The following GSS variants were observed in gnomAD, a reference collection of about 807,000 sequenced individuals.
GSS encodes the protein GSH synthetase.
In GSS, 34 loss-of-function variants were observed where a neutral mutation model predicts 60.4. That is an observed-to-expected ratio of 0.56 (90% confidence interval 0.43 to 0.75). GSS has a LOEUF of 0.75. Ranked by LOEUF, GSS falls within the 30% of genes least tolerant of loss-of-function variation. GSS has a pLI of 0.00. For synonymous variants in GSS, 224 were observed against 239.0 expected (o/e 0.94, Z 0.58); for missense variants, 499 against 595.1 (o/e 0.84, Z 1.68).
Position 34,937,024 on chromosome 20 carries a change from C to A in GSS, c.609-1G>T. 6.2e-7 allele frequency: 1 copy of A among 1,612,122 alleles called. No homozygotes were observed. The highest frequency in any genetic ancestry group is 8.5e-7 in the Non-Finnish European group (1 of 1,178,582). ...TTGAGCAATCAGTAGCACCAGAGCA[C>A]TGGGGAAAGAGCACAGGTGGCCCGA... On this transcript the variant is annotated splice_acceptor_variant, in intron 6 of 12. Coordinates refer to ENST00000651619, the MANE Select transcript of GSS (RefSeq NM_000178.4). LOFTEE classifies it high-confidence loss of function.
At chr20:34,951,884 G>T in intron 1 of GSS, 24 bp from the exon 2 acceptor site, 1 of 1,612,698 alleles carries the variant, frequency 6.2e-7, no homozygotes. Flanking sequence ...AGAGAAGAGA[G>T]TTGGTAACAG....
At chr20:34,943,139 G>A in intron 3 of GSS, 133 bp from the exon 4 acceptor site, 1 of 718,828 alleles carries the variant, frequency 1.4e-6, no homozygotes, top group South Asian at 1.5e-5. Flanking sequence ...CCCCAATGTG[G>A]TAGAGAACAG....
At chr20:34,941,888 A>G in intron 5 of GSS, 59 bp from the exon 6 acceptor site, 2 of 868,778 alleles carry the variant, frequency 2.3e-6, no homozygotes, top group Non-Finnish European at 4.0e-6. Flanking sequence ...CCCTCTGCCC[A>G]TGACCTCATA....
chr20:34,939,445 T>C (rs1600383976), intron 6 of GSS, among the ~76,000 whole-genome samples: 1 of 152,138 alleles, frequency 6.6e-6, no homozygotes, highest in South Asian at 2.1e-4. Context: ...ATTAATCTGC[T>C]CTACCAATGC....
chr20:34,929,393 T>C lies in GSS; in HGVS notation c.1301+8A>G, dbSNP rs1291050506. 6.2e-7 allele frequency: 1 copy of C among 1,612,238 alleles called. No individual in the cohort carries two copies. The highest frequency in any genetic ancestry group is 1.3e-5 in the African/African-American group (1 of 75,016). The stretch of plus-strand genomic sequence containing the variant: ...GGTAGTGGAAAGAGCTTCTCCTGAT[T>C]GGCTCACCTGACATAGACCCCAAAG... On this transcript the variant is annotated splice_region_variant and intron_variant, in intron 12 of 12. Transcript: ENST00000651619.
Position 34,929,580 on chromosome 20 carries a change from T to C in GSS, c.1122A>G (p.Leu374=), listed in dbSNP as rs559699424. The C allele has an allele frequency of 3.7e-6, 6 of 1,613,860 alleles. No homozygotes were observed. The highest frequency in any genetic ancestry group is 3.3e-4 in the Middle Eastern group (2 of 6,052). The change falls in exon 12 of 13, where the codon CTA becomes CTG. Residue 374 remains leucine, a synonymous_variant. Coordinates refer to ENST00000651619, the MANE Select transcript of GSS (RefSeq NM_000178.4). ...KPQREGGGNN[L]YGEEMVQALK... ...GGGCCTGTACCATTTCCTCCCCATA[T>C]AGGTTGTTACCTGCAATGAAACTGG...
chr20:34,938,575 A>G (rs1252302417), intron 6 of GSS, among the ~76,000 whole-genome samples: 1 of 152,016 alleles, frequency 6.6e-6, no homozygotes. Context: ...CTCATGGGTG[A>G]GGGTGTGTGT....
intron 6 of GSS, 151 bp from the exon 7 acceptor site, chr20:34,937,174 G>A: frequency 2.9e-6 from 2 of 684,342 alleles, no homozygotes; most frequent in Non-Finnish European, 5.3e-6. Flanking sequence ...CAGGAACCTT[G>A]AGATTACCTC....
chr20:34,944,126 G>A (rs911781442), intron 3 of GSS, among the ~76,000 whole-genome samples: 3 of 152,200 alleles, frequency 2.0e-5, no homozygotes, highest in Non-Finnish European at 4.4e-5. Context: ...TGGTTAGGAG[G>A]AGAGTCCCAG....
At chr20:34,932,185 C>T (rs757366496) in intron 9 of GSS, 52 bp from the exon 10 acceptor site, 10 of 1,406,610 alleles carry the variant, frequency 7.1e-6, no homozygotes, top group South Asian at 3.4e-5. Flanking sequence ...CTTCAGCTGA[C>T]GTTTACTGAA....
At chr20:34,944,218 C>T (rs1404780904) in intron 3 of GSS, among the ~76,000 whole-genome samples, 1 of 152,088 alleles carries the variant, frequency 6.6e-6, no homozygotes, top group African/African-American at 2.4e-5. Flanking sequence ...GTAGGGGGCT[C>T]TTCTCCCTTA....
chr20:34,935,716 G>T, intron 8 of GSS, 74 bp from the exon 9 acceptor site: 2 of 1,205,382 alleles, frequency 1.7e-6, no homozygotes, highest in South Asian at 2.4e-5. Context: ...CTATTTCAGG[G>T]TGCATCAAGA....
In GSS at chr20:34,928,915, C is replaced by T; in HGVS notation, c.1338G>A (p.Gly446=). 6.2e-7 allele frequency: 1 copy of T among 1,613,706 alleles called. No homozygotes were observed. Among genetic ancestry groups the T allele is most frequent in the Non-Finnish European group, 8.5e-7 (1 of 1,179,960 alleles). The change falls in exon 13 of 13, where the codon GGG becomes GGA. Residue 446 remains glycine, a synonymous_variant. Transcript: ENST00000651619. ...CGATGGCTTTGGTTCGAAGTAGATG[C>T]CCCACGTGCTTGTTCATCACGAGTG... ...EKTLVMNKHV[G]HLLRTKAIEH... is the part of the protein sequence containing the mutation.
At chr20:34,946,302 G>A in intron 2 of GSS, among the ~76,000 whole-genome samples, 1 of 152,154 alleles carries the variant, frequency 6.6e-6, no homozygotes, top group East Asian at 1.9e-4. Context: ...TCTACGTATT[G>A]AAGAGAGAGA....
chr20:34,954,541 C>G (rs1236224789), intron 1 of GSS: 1 of 130,246 alleles, frequency 7.7e-6, no homozygotes, highest in African/African-American at 3.1e-5. Flanking sequence ...GCAACAAGAG[C>G]AAAGCTCTGT....
At chr20:34,938,817 T>C (rs2081460967) in intron 6 of GSS, among the ~76,000 whole-genome samples, 1 of 152,186 alleles carries the variant, frequency 6.6e-6, no homozygotes, top group Non-Finnish European at 1.5e-5. Context: ...TAAGGACGCA[T>C]GCGGGCTGGG....
rs748249699 is a variant in GSS, at chr20:34,953,620, CTTTT to C, written c.-8-1764_-8-1761del. 1.7e-4 allele frequency among the ~76,000 whole-genome samples: 19 copies of C among 108,910 alleles called. No individual in the cohort carries two copies. The East Asian group carries it at 3.1e-3, about 18-fold the overall frequency. 71.4% of individuals were successfully genotyped at this position (108,910 alleles called of 152,430 possible). A position where few individuals can be genotyped will look rare whatever the true frequency, so the allele number is the denominator to read the frequency against. ...TCTCTCTCTCCCTCCCTCTTTCTTT[CTTTT>C]TTTTTTTTTTTGACGGAGTCTGGCT... On this transcript the variant is annotated intron_variant, in intron 1 of 12. Coordinates refer to ENST00000651619, the MANE Select transcript of GSS (RefSeq NM_000178.4).
chr20:34,929,437 C>T lies in GSS; in HGVS notation c.1265G>A (p.Cys422Tyr). 6.2e-7 allele frequency: 1 copy of T among 1,614,136 alleles called. No individual in the cohort carries two copies. The highest frequency in any genetic ancestry group is 8.5e-7 in the Non-Finnish European group (1 of 1,179,994). Residue 422 changes from cysteine to tyrosine, a missense_variant, in exon 12 of 13, where the codon TGC (cysteine) becomes TAC (tyrosine). Cys to Tyr is a radical substitution (Grantham distance 194). Coordinates refer to ENST00000651619, the MANE Select transcript of GSS (RefSeq NM_000178.4). ...CCCAAAGATGCCCAGCTCTGAAATG[C>T]ACTGGACCACTCGGGCAGGGCTGCC... is the stretch of plus-strand genomic sequence containing the variant. ...RPGSPARVVQ[C>Y]ISELGIFGVY...
At chr20:34,934,480 T>G (rs1458770680) in intron 9 of GSS, among the ~76,000 whole-genome samples, 2 of 152,074 alleles carry the variant, frequency 1.3e-5, no homozygotes, top group African/African-American at 4.8e-5. Context: ...TTTCACCATG[T>G]TGGCCAGGCT....
Sources: gnomAD v4.1 joint callset for allele counts (sites outside exome capture counted in the v4.1 genomes callset) on GRCh38, gnomAD v4.1.1 for gene constraint, MANE v1.5 for transcripts, NCBI Gene and HGNC (gene_info 2026-07-23, HGNC 2026-07-21) for gene names.